PEG3: variants seen among roughly 807,000 people sequenced by gnomAD.
The protein encoded by PEG3 is paternally-expressed gene 3 protein.
PEG3 carries 23 observed loss-of-function variants against 35.5 expected under a neutral mutation model. That is an observed-to-expected ratio of 0.65 (90% confidence interval 0.47 to 0.92). The LOEUF is 0.92. PEG3 is among the 40% of genes least tolerant of loss of function. The probability of loss-of-function intolerance (pLI) is 0.00; values close to 1 mark genes in which losing one functional copy is unlikely to be tolerated. For synonymous variants in PEG3, 707 were observed against 697.0 expected, an observed-to-expected ratio of 1.01 and a Z score of -0.23; for missense variants, 1,960 against 1,985.3, an observed-to-expected ratio of 0.99 and a Z score of 0.24.
At chr19:56,839,188 C>T (rs1307180613) in intron 1 of PEG3, among the ~76,000 whole-genome samples, 4 of 152,142 alleles carry the variant, frequency 2.6e-5, no homozygotes, top group African/African-American at 4.8e-5. Flanking sequence ...CACCCTGTCA[C>T]TTCAGCCTTG....
intron 2 of PEG3, among the ~76,000 whole-genome samples, chr19:56,828,108 G>C (rs1601148719): frequency 6.6e-6 from 1 of 152,310 alleles, no homozygotes; most frequent in Non-Finnish European, 1.5e-5. Flanking sequence ...TAGAGGTTGT[G>C]CTACTCACAG....
At position 56,823,574 on chromosome 19, in the gene PEG3, G is replaced by A. The variant is rs767164267; in HGVS notation, c.481+19C>T. 5.6e-6 allele frequency: 9 copies of A among 1,614,040 alleles called. No homozygotes were observed. The Admixed American group carries it at 1.5e-4, about 27-fold the overall frequency. Reference sequence around the variant, plus strand: ...CAGCGCCTGCCCATGGGTGACCAGTGGGGATGGGTACTCACCACTGAAAGA... The same window carrying A: ...CAGCGCCTGCCCATGGGTGACCAGTAGGGATGGGTACTCACCACTGAAAGA... On this transcript the variant is annotated intron_variant, in intron 5 of 9. Transcript: ENST00000326441.
Position 56,811,876 on chromosome 19 carries a change from C to CT in PEG3, c.*1798dup. ...TCTTGCCTCTGGTGTTTTCTTCTGT[C>CT]TGTCTCCTCTCCCCTCCTAGATCTG... On this transcript the variant is annotated 3_prime_UTR_variant, in exon 10 of 10. Coordinates refer to ENST00000326441, the MANE Select transcript of PEG3 (RefSeq NM_006210.3). 1 of 985,470 alleles carries CT rather than the reference C, an allele frequency of 1.0e-6. No homozygotes were observed. Among genetic ancestry groups the CT allele is most frequent in the Non-Finnish European group, 1.2e-6 (1 of 829,956 alleles). The allele number at this position is 985,470 out of a possible 1,614,324, so 61.0% of individuals were successfully genotyped here.
intron 2 of PEG3, among the ~76,000 whole-genome samples, chr19:56,833,929 C>A (rs1428507539): frequency 6.6e-6 from 1 of 152,178 alleles, no homozygotes; most frequent in Non-Finnish European, 1.5e-5. Flanking sequence ...TTATTTCTAC[C>A]ACATTAAGCT....
Position 56,822,769 on chromosome 19 carries a change from G to C in PEG3, c.549C>G (p.Thr183=). The C allele has an allele frequency of 6.2e-7, 1 of 1,614,136 alleles. No individual in the cohort carries two copies. ...DMEPRDRWSH[T]RNPRSRMPPR... ...AAGACTCACTGCTTCTTGGGTTCCT[G>C]GTGTGGGACCAGCGGTCTCGTGGCT... is the stretch of plus-strand genomic sequence containing the variant. Residue 183 remains threonine, a synonymous_variant, in exon 6 of 10, where the codon ACC becomes ACG. Transcript: ENST00000326441.
chr19:56,822,286 A>G (rs575438646), intron 6 of PEG3, among the ~76,000 whole-genome samples: 18 of 152,318 alleles, frequency 1.2e-4, no homozygotes, highest in Non-Finnish European at 2.1e-4. Context: ...ATGGACACCA[A>G]CAATACACTG....
Position 56,812,167 on chromosome 19 carries a change from A to G in PEG3, c.*1508T>C. ...TTTTTTTTCCAGCCAACTCAAGGCC[A>G]AAAAAAATTTCTTAATATAGTTATT... On this transcript the variant is annotated 3_prime_UTR_variant, in exon 10 of 10. Transcript: ENST00000326441. The G allele has an allele frequency of 1.0e-6, 1 of 963,506 alleles. No individual in the cohort carries two copies. The allele number at this position is 963,506 out of a possible 1,614,324, so 59.7% of individuals were successfully genotyped here.
In PEG3 at chr19:56,810,421, A is replaced by T. The variant is rs981715618; in HGVS notation, c.*3254T>A. ...TTTCTTGTTTTTCATCTTTCTTCCC[A>T]TCTTTGACATTTATGCATACTTATC... On this transcript the variant is annotated 3_prime_UTR_variant, in exon 10 of 10. Transcript: ENST00000326441. 6 of 984,708 alleles carry T rather than the reference A, an allele frequency of 6.1e-6. No individual in the cohort carries two copies. Among genetic ancestry groups the T allele is most frequent in the Non-Finnish European group, 7.2e-6 (6 of 829,402 alleles). 61.0% of individuals were successfully genotyped at this position (984,708 alleles called of 1,614,324 possible). A position where few individuals can be genotyped will look rare whatever the true frequency, so the allele number is the denominator to read the frequency against.
chr19:56,816,459 C>T lies in PEG3; in HGVS notation c.1983G>A (p.Val661=). Residue 661 remains valine, a synonymous_variant, in exon 10 of 10, where the codon GTG becomes GTA. Transcript: ENST00000326441. The stretch of plus-strand genomic sequence containing the variant: ...GACCAGGAATAAAGGTTTCCTCACA[C>T]ACTTTACCCTTGTTTTCAAATGGGT... ...RGNPFENKGK[V]CEETFIPGQS... The T allele has an allele frequency of 6.2e-7, 1 of 1,613,896 alleles. No homozygotes were observed. Among genetic ancestry groups the T allele is most frequent in the Non-Finnish European group, 8.5e-7 (1 of 1,179,890 alleles).
Position 56,812,142 on chromosome 19 carries a change from T to A in PEG3, c.*1533A>T, listed in dbSNP as rs181303741. On this transcript the variant is annotated 3_prime_UTR_variant, in exon 10 of 10. Coordinates refer to ENST00000326441, the MANE Select transcript of PEG3 (RefSeq NM_006210.3). ...TTTTTTAAATTTTTTAAATTTTATA[T>A]TTTTTTTCCAGCCAACTCAAGGCCA... 1.0e-3 allele frequency: 1,002 copies of A among 959,544 alleles called. 5 individuals carry two copies. The African/African-American group carries it at 0.014, about 13-fold the overall frequency. 59.4% of individuals were successfully genotyped at this position (959,544 alleles called of 1,614,324 possible).
Position 56,813,116 on chromosome 19 carries a change from CAG to C in PEG3, c.*557_*558del, listed in dbSNP as rs2059650352. On this transcript the variant is annotated 3_prime_UTR_variant, in exon 10 of 10. Transcript: ENST00000326441. ...AAACAATTACTCAAAAAGATATTGACAGGGTTCAAATAATGCACAATAAATCT... is the reference window on the plus strand; with the variant it reads ...AAACAATTACTCAAAAAGATATTGACGGTTCAAATAATGCACAATAAATCT... 1.0e-6 allele frequency: 1 copy of C among 983,546 alleles called. No individual in the cohort carries two copies. Among genetic ancestry groups the C allele is most frequent in the Admixed American group, 6.2e-5 (1 of 16,256 alleles). The allele number at this position is 983,546 out of a possible 1,614,324, so 60.9% of individuals were successfully genotyped here.
Position 56,813,903 on chromosome 19 carries a change from G to C in PEG3, c.4539C>G (p.Thr1513=). ...CACTGAATGCTGTGCTGGAAGTGAA[G>C]GTTTCTGTGCATTCATGGCAGTCAT... is the stretch of plus-strand genomic sequence containing the variant. ...PYYDCHECTE[T]FTSSTAFSEH... The change falls in exon 10 of 10, where the codon ACC becomes ACG. Residue 1513 remains threonine (T), a synonymous_variant. Transcript: ENST00000326441. 1 of 1,614,172 alleles carries C rather than the reference G, an allele frequency of 6.2e-7. No individual in the cohort carries two copies.
rs764313140 is a variant in PEG3, at chr19:56,816,263, G to T, written c.2179C>A (p.Pro727Thr). ...TGACTCTTCTGAGATTCAGTGAATG[G>T]CCCACTATGAATGACAGATTTCTCA... ...GYEKSVIHSG[P>T]FTESQKSHTI... The change falls in exon 10 of 10, where the codon CCA (proline) becomes ACA (threonine). Residue 727 changes from proline to threonine, a missense_variant. Physicochemically the swap from Pro to Thr is conservative, Grantham distance 38. This residue lies in a region of PEG3 where 798 missense variants were observed against 782.4 expected (regional missense o/e 1.02). Coordinates refer to ENST00000326441, the MANE Select transcript of PEG3 (RefSeq NM_006210.3). The T allele has an allele frequency of 3.1e-6, 5 of 1,613,656 alleles. No homozygotes were observed. Among genetic ancestry groups the T allele is most frequent in the Non-Finnish European group, 4.2e-6 (5 of 1,179,582 alleles).
chr19:56,839,376 G>A (rs927871331), intron 1 of PEG3, among the ~76,000 whole-genome samples: 2 of 151,120 alleles, frequency 1.3e-5, no homozygotes, highest in African/African-American at 2.4e-5. Flanking sequence ...GGCAGCACCT[G>A]CACAGCAAAC....
chr19:56,835,994 C>T (rs1273111026), intron 2 of PEG3, 24 bp downstream of exon 2: 1 of 508,548 alleles, frequency 2.0e-6, no homozygotes, highest in African/African-American at 1.9e-5. Context: ...GAATGTGGCA[C>T]TGTGAGGAGG....
In PEG3 at chr19:56,814,353, T is replaced by C. The variant is rs150000696; in HGVS notation, c.4089A>G (p.Ala1363=). 3.3e-5 allele frequency: 53 copies of C among 1,613,930 alleles called. No homozygotes were observed. The African/African-American group carries it at 7.1e-4, about 21-fold the overall frequency. The change falls in exon 10 of 10, where the codon GCA becomes GCG. Residue 1363 remains alanine (A), a synonymous_variant. Coordinates refer to ENST00000326441, the MANE Select transcript of PEG3 (RefSeq NM_006210.3). This position sits in a 1 kb window ranked among gnomAD's most constrained non-coding sequence, Gnocchi z 5.8. ...GGGCTGCTGCTGCTGCAGCTGCTGC[T>C]GCTTCATCTTCTTCTTCTTCTTCCA... ...LHLEEEEEDE[A]AAAAAAAAQE...
At chr19:56,831,779 T>C (rs1165949033) in intron 2 of PEG3, among the ~76,000 whole-genome samples, 2 of 152,230 alleles carry the variant, frequency 1.3e-5, no homozygotes, top group Non-Finnish European at 2.9e-5. Context: ...CCATAGAAAC[T>C]GCAAGCCACA....
intron 1 of PEG3, among the ~76,000 whole-genome samples, chr19:56,838,702 G>C (rs1411748166): frequency 1.3e-5 from 2 of 152,202 alleles, no homozygotes. Context: ...AAACTCTTTA[G>C]GCACGTCTCC....
In PEG3 at chr19:56,814,293, T is replaced by C. The variant is rs2059770613; in HGVS notation, c.4149A>G (p.Val1383=). The change falls in exon 10 of 10, where the codon GTA becomes GTG. Residue 1383 remains valine, a synonymous_variant. Transcript: ENST00000326441. This position sits in a 1 kb window ranked among gnomAD's most constrained non-coding sequence, Gnocchi z 5.8. ...EVEANVHVPQ[V]VLRIQGLNVE... is the part of the protein sequence containing the mutation. ...CGTTTAAGCCCTGAATCCTCAGAAC[T>C]ACTTGTGGAACATGGACATTGGCTT... 1 of 1,614,086 alleles carries C rather than the reference T, an allele frequency of 6.2e-7. No individual in the cohort carries two copies. The highest frequency in any genetic ancestry group is 8.5e-7 in the Non-Finnish European group (1 of 1,180,042).
Sources: gnomAD v4.1 joint callset for allele counts (sites outside exome capture counted in the v4.1 genomes callset) on GRCh38, gnomAD v4.1.1 for gene constraint, gnomAD v4.1.1 regional missense constraint, Gnocchi (gnomAD v3.1) non-coding constraint, MANE v1.5 for transcripts, NCBI Gene and HGNC (gene_info 2026-07-23, HGNC 2026-07-21) for gene names.